The following ALOX15 variants were observed in gnomAD, a reference collection of about 807,000 sequenced individuals.
ALOX15 encodes the protein polyunsaturated fatty acid lipoxygenase ALOX15.
A neutral mutation model predicts 71.7 loss-of-function variants in ALOX15; 68 were observed. The observed-to-expected ratio is 0.95, with a 90% CI of 0.78 to 1.16. The LOEUF is 1.16. ALOX15 is among the 50% of genes most tolerant of loss of function. The pLI is 0.00. For missense variants in ALOX15, 798 were observed against 818.8 expected (o/e 0.97, Z 0.31); for synonymous variants, 346 against 333.3 (o/e 1.04, Z -0.42).
chr17:4,632,614 T>G (rs940262038), intron 11 of ALOX15, among the ~76,000 whole-genome samples: 1 of 152,140 alleles, frequency 6.6e-6, no homozygotes, highest in Non-Finnish European at 1.5e-5. Context: ...TCAGGACGGT[T>G]CTTCCCGAGA....
chr17:4,634,427 C>T (rs761091463), intron 8 of ALOX15, among the ~76,000 whole-genome samples: 4 of 151,816 alleles, frequency 2.6e-5, no homozygotes, highest in Admixed American at 1.3e-4. Context: ...CTCAGCCTCC[C>T]GAGTAGCTGG....
intron 11 of ALOX15, 38 bp from the exon 12 acceptor site, chr17:4,632,319 G>C (rs765311000): frequency 4.5e-6 from 7 of 1,558,504 alleles, no homozygotes; most frequent in Non-Finnish European, 6.2e-6. Flanking sequence ...TGCGAAGGCA[G>C]GAGTAGGGCA....
intron 8 of ALOX15, among the ~76,000 whole-genome samples, chr17:4,634,157 G>A (rs1003648947): frequency 1.3e-5 from 2 of 152,046 alleles, no homozygotes; most frequent in African/African-American, 4.8e-5. Context: ...GAACAAACCT[G>A]CCCATGTATC....
intron 7 of ALOX15, among the ~76,000 whole-genome samples, chr17:4,636,224 TCC>T (rs1366079765): frequency 2.0e-5 from 3 of 152,084 alleles, no homozygotes; most frequent in Non-Finnish European, 4.4e-5. Flanking sequence ...AGCCTCCACT[TCC>T]CCTTTCAGTT....
chr17:4,632,966 C>T lies in ALOX15; in HGVS notation c.1435G>A (p.Val479Met), dbSNP rs941936589. 6 of 1,614,002 alleles carry T rather than the reference C, an allele frequency of 3.7e-6. No individual in the cohort carries two copies. Among genetic ancestry groups the T allele is most frequent in the African/African-American group, 1.3e-5 (1 of 74,898 alleles). Reference sequence around the variant, plus strand: ...ACGTCTGTCTTATAGTGGAGACTCACGATTCCTTCCACATACCTACCAACC... The same window carrying T: ...ACGTCTGTCTTATAGTGGAGACTCATGATTCCTTCCACATACCTACCAACC... ...EIIYRYVEGI[V>M]SLHYKTDVAV... The change falls in exon 11 of 14, where the codon GTG (valine) becomes ATG (methionine). Residue 479 changes from valine to methionine, a missense_variant. Val to Met is a conservative substitution (Grantham distance 21, BLOSUM62 1). This residue lies in a region of ALOX15 where 490 missense variants were observed against 509.4 expected (regional missense o/e 0.96). Coordinates refer to ENST00000293761, the MANE Select transcript of ALOX15 (RefSeq NM_001140.5).
rs924382474 is a variant in ALOX15, at chr17:4,634,516, CT to C, written c.1162-1017del. On this transcript the variant is annotated intron_variant, in intron 8 of 13. Coordinates refer to ENST00000293761, the MANE Select transcript of ALOX15 (RefSeq NM_001140.5). ...ATAGGTCTAGACCAAGATTTCTCAA[CT>C]TTTTTTTTTTTAATCACCCACTAAG... 2.5e-3 allele frequency among the ~76,000 whole-genome samples: 366 copies of C among 144,412 alleles called. 1 individual carries two copies. Among genetic ancestry groups the C allele is most frequent in the African/African-American group, 6.2e-3 (246 of 39,736 alleles). The allele number at this position is 144,412 out of a possible 152,430, so 94.7% of individuals were successfully genotyped here.
Position 4,641,436 on chromosome 17 carries a change from C to T in ALOX15, c.135+81G>A, listed in dbSNP as rs968151163. ...GCAAAGAGAATCGGCCAGAGGCCAA[C>T]GGGGGCGCATGTCCTCCCCGGTATT... On this transcript the variant is annotated intron_variant, in intron 1 of 13. Transcript: ENST00000293761. 1.8e-5 allele frequency: 27 copies of T among 1,538,678 alleles called. No individual in the cohort carries two copies. The African/African-American group carries it at 2.7e-4, about 16-fold the overall frequency.
Position 4,639,062 on chromosome 17 carries a change from CCTTCTCT to C in ALOX15, c.401_407del (p.Glu134GlyfsTer13). On this transcript the variant is annotated frameshift_variant, in exon 3 of 14. Transcript: ENST00000293761. LOFTEE classifies it high-confidence loss of function. ...GGAGGAGGGCTCACCGGTACAACTT[CCTTCTCT>C]CTTCCAGCTCTTCTTCCCGGTGTTT... The C allele has an allele frequency of 6.2e-7, 1 of 1,614,226 alleles. No individual in the cohort carries two copies. The highest frequency in any genetic ancestry group is 1.1e-5 in the South Asian group (1 of 91,088).
At chr17:4,637,442 C>T (rs1911136921) in intron 6 of ALOX15, among the ~76,000 whole-genome samples, 184 bp from the exon 7 acceptor site, 1 of 152,012 alleles carries the variant, frequency 6.6e-6, no homozygotes, top group Admixed American at 6.6e-5. Context: ...ACCGTGCTGC[C>T]CAGGCTGGAG....
rs1454028547 is a variant in ALOX15 at position 4,641,503 on chromosome 17, T to C, written c.135+14A>G. 1.2e-6 allele frequency: 2 copies of C among 1,611,574 alleles called. No homozygotes were observed. Among genetic ancestry groups the C allele is most frequent in the South Asian group, 1.1e-5 (1 of 90,956 alleles). Reference sequence around the variant, plus strand: ...AGGGGCGCAGCCCACCCCGCCCGGCTCTGGGGAGCTCACCTTGCCCCGTGC... The same window carrying C: ...AGGGGCGCAGCCCACCCCGCCCGGCCCTGGGGAGCTCACCTTGCCCCGTGC... On this transcript the variant is annotated intron_variant, in intron 1 of 13. Transcript: ENST00000293761.
intron 6 of ALOX15, 149 bp downstream of exon 6, chr17:4,638,068 T>C: frequency 1.6e-6 from 1 of 628,682 alleles, no homozygotes; most frequent in Non-Finnish European, 2.8e-6. Context: ...GCAGCTGAGC[T>C]TCTCCAGGGT....
In ALOX15 at chr17:4,639,028, G is replaced by C. The variant is rs753099107; in HGVS notation, c.419+23C>G. The C allele has an allele frequency of 6.8e-6, 11 of 1,614,082 alleles. No homozygotes were observed. In the African/African-American group the frequency reaches 1.5e-4, roughly 22 times the overall value. ...TGCTGGAAGCATCAGCAGCTCACGT[G>C]GGGTCAGGGGAGGAGGGCTCACCGG... On this transcript the variant is annotated intron_variant, in intron 3 of 13. Coordinates refer to ENST00000293761, the MANE Select transcript of ALOX15 (RefSeq NM_001140.5).
Position 4,631,001 on chromosome 17 carries a change from A to C in ALOX15, c.*599T>G, listed in dbSNP as rs895756267. Reference sequence around the variant, plus strand: ...CGTAAAACAACTTTTTATTATTGTTAAACTCAATTTGGGTTCAAAATCCTA... The same window carrying C: ...CGTAAAACAACTTTTTATTATTGTTCAACTCAATTTGGGTTCAAAATCCTA... On this transcript the variant is annotated 3_prime_UTR_variant, in exon 14 of 14. Transcript: ENST00000293761. 2 of 152,204 alleles carry C rather than the reference A, an allele frequency of 1.3e-5. No individual in the cohort carries two copies. Among genetic ancestry groups the C allele is most frequent in the Non-Finnish European group, 2.9e-5 (2 of 68,082 alleles). 9.4% of individuals were successfully genotyped at this position (152,204 alleles called of 1,614,324 possible). A position where few individuals can be genotyped will look rare whatever the true frequency, so the allele number is the denominator to read the frequency against.
intron 2 of ALOX15, 127 bp from the exon 3 acceptor site, chr17:4,639,259 C>G: frequency 7.1e-7 from 1 of 1,405,798 alleles, no homozygotes. Flanking sequence ...GCCCCTCCCC[C>G]AGGCTCCAGC....
chr17:4,632,609 A>T (rs1910951782), intron 11 of ALOX15, among the ~76,000 whole-genome samples: 1 of 152,126 alleles, frequency 6.6e-6, no homozygotes, highest in African/African-American at 2.4e-5. Context: ...ACAAATCAGG[A>T]CGGTTCTTCC....
In ALOX15 at chr17:4,631,877, C is replaced by T. The variant is rs1437082552; in HGVS notation, c.1809+12G>A. On this transcript the variant is annotated intron_variant, in intron 13 of 13. Coordinates refer to ENST00000293761, the MANE Select transcript of ALOX15 (RefSeq NM_001140.5). ...GCCTCCTTCCTTAGGGCCCTGGGCA[C>T]TCAGCTCTCACCATAACGGGCTGGC... 3 of 1,608,970 alleles carry T rather than the reference C, an allele frequency of 1.9e-6. No homozygotes were observed. The highest frequency in any genetic ancestry group is 2.7e-5 in the African/African-American group (2 of 74,994).
chr17:4,640,080 T>G (rs1911265902), intron 1 of ALOX15, among the ~76,000 whole-genome samples: 1 of 92,100 alleles, frequency 1.1e-5, no homozygotes, highest in African/African-American at 4.2e-5. Context: ...CCAGGGAGAG[T>G]GACAGAAAGG....
In ALOX15 at chr17:4,636,076, C is replaced by T. The variant is rs2856426; in HGVS notation, c.952-108G>A. On this transcript the variant is annotated intron_variant, in intron 7 of 13. Coordinates refer to ENST00000293761, the MANE Select transcript of ALOX15 (RefSeq NM_001140.5). ...CCCTTCGTCCTCCAAACCTGTTCTG[C>T]TTTCCCCATCTCACTCCTGCCGCTC... 3.6e-3 allele frequency: 4,300 copies of T among 1,191,586 alleles called. 72 individuals are homozygous for T. In the African/African-American group the frequency reaches 0.045, roughly 13 times the overall value. The allele number at this position is 1,191,586 out of a possible 1,614,324, so 73.8% of individuals were successfully genotyped here.
At position 4,631,671 on chromosome 17, in the gene ALOX15, G is replaced by C; in HGVS notation, c.1918C>G (p.Arg640Gly). Residue 640 changes from arginine to glycine, a missense_variant, in exon 14 of 14, where the codon CGG (arginine) becomes GGG (glycine). By Grantham distance (125) the Arg-to-Gly change is moderately radical. This residue lies in a region of ALOX15 where 490 missense variants were observed against 509.4 expected (regional missense o/e 0.96). Coordinates refer to ENST00000293761, the MANE Select transcript of ALOX15 (RefSeq NM_001140.5). The stretch of plus-strand genomic sequence containing the variant: ...TAGGGCATGTCCAGCTTTGCATTCC[G>C]GATCTCAATTTCCTTATCCAGGGCA... ...LAALDKEIEI[R>G]NAKLDMPYEY... The C allele has an allele frequency of 6.2e-7, 1 of 1,614,138 alleles. No individual in the cohort carries two copies. The highest frequency in any genetic ancestry group is 2.2e-5 in the East Asian group (1 of 44,886).
Sources: allele counts gnomAD v4.1 joint callset (sites outside exome capture counted in the v4.1 genomes callset), GRCh38; gene constraint gnomAD v4.1.1; regional missense constraint gnomAD v4.1.1; transcripts MANE v1.5; gene names NCBI Gene and HGNC (gene_info 2026-07-23, HGNC 2026-07-21).